Variants in CACNA1A observed in about 807,000 individuals in gnomAD.
CACNA1A encodes calcium voltage-gated channel subunit alpha1 A.
Under a neutral mutation model 262.4 loss-of-function variants are expected in CACNA1A, and 57 were observed. That is an observed-to-expected ratio of 0.22 (90% CI 0.18 to 0.27). The LOEUF is 0.27. CACNA1A is among the 10% of genes least tolerant of loss of function. CACNA1A has a pLI of 1.00. For missense variants in CACNA1A, 2,526 were observed against 3,562.8 expected (o/e 0.71, Z 7.41); for synonymous variants, 1,431 against 1,419.3 (o/e 1.01, Z -0.18).
In CACNA1A at chr19:13,415,339, C is replaced by T. The variant is rs568514468; in HGVS notation, c.539+37537G>A. Among the ~76,000 whole-genome samples, 19 of 152,212 alleles carry T rather than the reference C, an allele frequency of 1.2e-4. No homozygotes were observed. The East Asian group carries it at 3.5e-3, about 28-fold the overall frequency. On this transcript the variant is annotated intron_variant, in intron 3 of 46. Coordinates refer to ENST00000360228, the MANE Select transcript of CACNA1A (RefSeq NM_001127222.2). The stretch of plus-strand genomic sequence containing the variant: ...AGCCCATTCTGTGCTCTTCACAACA[C>T]GCCTGCCTTTATGACCTGGGGGACA...
chr19:13,272,385 AG>A (rs2057042403), intron 24 of CACNA1A: 1 of 152,296 alleles, frequency 6.6e-6, no homozygotes, highest in Non-Finnish European at 1.5e-5. Flanking sequence ...CCCAGAGGAA[AG>A]GGGCGGGGGT....
At chr19:13,288,953 T>C (rs944860476) in intron 19 of CACNA1A, among the ~76,000 whole-genome samples, 1 of 151,928 alleles carries the variant, frequency 6.6e-6, no homozygotes, top group Non-Finnish European at 1.5e-5. Flanking sequence ...CAGACCAAAG[T>C]AGGTAAGTGG....
chr19:13,228,204 G>A (rs968326603), intron 36 of CACNA1A, among the ~76,000 whole-genome samples: 2 of 151,990 alleles, frequency 1.3e-5, no homozygotes, highest in Non-Finnish European at 2.9e-5. Flanking sequence ...CACTGCGCCC[G>A]GCCATCACTG....
chr19:13,370,511 C>A (rs1180890895), intron 4 of CACNA1A, among the ~76,000 whole-genome samples: 1 of 152,050 alleles, frequency 6.6e-6, no homozygotes, highest in African/African-American at 2.4e-5. Context: ...TCACTGCAGC[C>A]TTGACCTCCT....
Position 13,208,856 on chromosome 19 carries a change from C to T in CACNA1A, c.6680G>A (p.Arg2227His), listed in dbSNP as rs1064793075. The stretch of plus-strand genomic sequence containing the variant: ...GTGGTCCGGCCGTTCCTGGGCATAG[C>T]GGTCCTTGTCGGGGGGCGGGGGATG... ...HHHPPPPDKD[R>H]YAQERPDHGR... The change falls in exon 46 of 47, where the codon CGC (arginine) becomes CAC (histidine). Residue 2227 changes from arginine (R) to histidine (H), a missense_variant. By Grantham distance (29) the Arg-to-His change is conservative (BLOSUM62 0). Around this residue, in one of 17 missense-constraint regions of CACNA1A, gnomAD observed 929 missense variants for 868.1 expected, o/e 1.07. Transcript: ENST00000360228. The T allele has an allele frequency of 8.0e-5, 115 of 1,438,768 alleles. No homozygotes were observed. Among genetic ancestry groups the T allele is most frequent in the Non-Finnish European group, 9.6e-5 (103 of 1,068,296 alleles). The allele number at this position is 1,438,768 out of a possible 1,614,324, so 89.1% of individuals were successfully genotyped here.
intron 1 of CACNA1A, among the ~76,000 whole-genome samples, chr19:13,499,122 T>C (rs564842856): frequency 1.6e-4 from 25 of 152,156 alleles, no homozygotes; most frequent in African/African-American, 6.0e-4. Context: ...GAGTTTGCAG[T>C]GGACACCTGG....
chr19:13,207,744 AGCGGCCGCTGCTGTGGCCCCCCGTGG>A lies in CACNA1A; in HGVS notation c.7064_7089del (p.Pro2355LeufsTer139). The A allele has an allele frequency of 7.3e-7, 1 of 1,370,450 alleles. No individual in the cohort carries two copies. The highest frequency in any genetic ancestry group is 9.4e-7 in the Non-Finnish European group (1 of 1,069,046). The allele number at this position is 1,370,450 out of a possible 1,614,324, so 84.9% of individuals were successfully genotyped here. ...GGGACCCGCCTCTCCATCCTGGGCG[AGCGGCCGCTGCTGTGGCCCCCCGTGG>A]GCGGCCGATCTCCGGCCAGAGGCTC... On this transcript the variant is annotated frameshift_variant, in exon 47 of 47. Coordinates refer to ENST00000360228, the MANE Select transcript of CACNA1A (RefSeq NM_001127222.2). LOFTEE classifies it low-confidence loss of function (END_TRUNC). The surrounding 1 kb of genome is among the most constrained non-coding windows in gnomAD (Gnocchi z 5.7).
intron 1 of CACNA1A, among the ~76,000 whole-genome samples, chr19:13,473,794 G>A (rs916274921): frequency 2.8e-5 from 4 of 140,898 alleles, no homozygotes; most frequent in Non-Finnish European, 5.9e-5. Context: ...ATGAGCAAAT[G>A]GATCCACCTC....
rs950512992 is a variant in CACNA1A at position 13,206,452 on chromosome 19, CTTTTTTTTAT to C, written c.*851_*860del. 2 of 151,932 alleles carry C rather than the reference CTTTTTTTTAT, an allele frequency of 1.3e-5. No individual in the cohort carries two copies. The highest frequency in any genetic ancestry group is 4.8e-5 in the African/African-American group (2 of 41,290). 9.4% of individuals were successfully genotyped at this position (151,932 alleles called of 1,614,324 possible). A position where few individuals can be genotyped will look rare whatever the true frequency, so the allele number is the denominator to read the frequency against. ...CCTATCCAAAAGCCCTTTGATTCAA[CTTTTTTTTAT>C]TTTTTTTTTCTTTTTGAATGTCATG... On this transcript the variant is annotated 3_prime_UTR_variant, in exon 47 of 47. Transcript: ENST00000360228.
chr19:13,397,923 C>T (rs2059836116), intron 3 of CACNA1A, among the ~76,000 whole-genome samples: 2 of 152,080 alleles, frequency 1.3e-5, no homozygotes, highest in Non-Finnish European at 2.9e-5. Context: ...AAGCCTGGGC[C>T]CCTGACTTAC....
intron 3 of CACNA1A, among the ~76,000 whole-genome samples, chr19:13,386,846 G>A (rs1341078785): frequency 6.6e-6 from 1 of 152,060 alleles, no homozygotes; most frequent in African/African-American, 2.4e-5. Context: ...AGTGGTAAAT[G>A]TTAAAAAAAG....
At chr19:13,340,835 G>A (rs180787430) in intron 6 of CACNA1A, among the ~76,000 whole-genome samples, 1 of 152,288 alleles carries the variant, frequency 6.6e-6, no homozygotes, top group African/African-American at 2.4e-5. Flanking sequence ...TGGAAATAGG[G>A]TCTTTGCAGA....
intron 32 of CACNA1A, 100 bp downstream of exon 32, chr19:13,235,514 A>G: frequency 3.5e-6 from 3 of 868,920 alleles, no homozygotes; most frequent in South Asian, 2.7e-5. Context: ...CTGCACGACT[A>G]CATCACAGAG....
chr19:13,235,466 C>T (rs975196440), intron 32 of CACNA1A, 148 bp downstream of exon 32: 2 of 765,576 alleles, frequency 2.6e-6, no homozygotes, highest in African/African-American at 3.4e-5. Flanking sequence ...ACACCAGGGA[C>T]AGGAAGTTTG....
chr19:13,308,384 T>G lies in CACNA1A; in HGVS notation c.1781+32A>C. The G allele has an allele frequency of 8.1e-6, 7 of 866,570 alleles. No homozygotes were observed. The highest frequency in any genetic ancestry group is 1.3e-5 in the Non-Finnish European group (7 of 556,974). 53.7% of individuals were successfully genotyped at this position (866,570 alleles called of 1,614,324 possible). On this transcript the variant is annotated intron_variant, in intron 13 of 46. Transcript: ENST00000360228. This position sits in a 1 kb window ranked among gnomAD's most constrained non-coding sequence, Gnocchi z 4.2. ...CACCATGTCCCCCATCCCCACCCCC[T>G]GTACAAATGTCCAGGAACCCCAAAG...
At chr19:13,367,510 G>A (rs370300339) in intron 4 of CACNA1A, among the ~76,000 whole-genome samples, 1 of 151,398 alleles carries the variant, frequency 6.6e-6, no homozygotes, top group Non-Finnish European at 1.5e-5. Flanking sequence ...GGCAGATCAC[G>A]AGGTCAGGAG....
rs189184915 is a variant in CACNA1A at position 13,267,047 on chromosome 19, C to T, written c.3990-4214G>A. 4.6e-5 allele frequency among the ~76,000 whole-genome samples: 7 copies of T among 151,952 alleles called. No homozygotes were observed. In the East Asian group the frequency reaches 7.7e-4, roughly 17 times the overall value. On this transcript the variant is annotated intron_variant, in intron 24 of 46. Transcript: ENST00000360228. ...CTGGTCATTTGAAGCGACAGGACAG[C>T]GGCAGCAAGGACACAAGGCCACAGA...
chr19:13,311,844 A>AC (rs2058041432), intron 12 of CACNA1A, among the ~76,000 whole-genome samples: 1 of 152,154 alleles, frequency 6.6e-6, no homozygotes, highest in African/African-American at 2.4e-5. Context: ...CTCAAAAACA[A>AC]AAAATAAAAA....
At chr19:13,221,436 T>C (rs982714574) in intron 38 of CACNA1A, among the ~76,000 whole-genome samples, 4 of 150,770 alleles carry the variant, frequency 2.7e-5, no homozygotes, top group African/African-American at 9.8e-5. Flanking sequence ...TTTCGCCATG[T>C]TGGCCAGGCT....
Sources: allele counts gnomAD v4.1 joint callset (sites outside exome capture counted in the v4.1 genomes callset), GRCh38; gene constraint gnomAD v4.1.1; regional missense constraint gnomAD v4.1.1; non-coding constraint Gnocchi (gnomAD v3.1); transcripts MANE v1.5; gene names NCBI Gene and HGNC (gene_info 2026-07-23, HGNC 2026-07-21).